The following RGL1 variants were observed in gnomAD, a reference collection of about 807,000 sequenced individuals.
RGL1 encodes ral guanine nucleotide dissociation stimulator-like 1.
In RGL1, 24 loss-of-function variants were observed where a neutral mutation model predicts 95.2. That is an observed-to-expected ratio of 0.25 (90% CI 0.18 to 0.35). The LOEUF (loss-of-function observed/expected upper bound fraction) is 0.35, where lower values mean the gene tolerates loss of function less well. RGL1 is among the 10% of genes least tolerant of loss of function. The pLI, the probability that RGL1 is intolerant of heterozygous loss-of-function variation, is 1.00. For synonymous variants in RGL1, 329 were observed against 344.9 expected (o/e 0.95, Z 0.51); for missense variants, 715 against 936.3 (o/e 0.76, Z 3.08).
At chr1:183,707,098 G>C (rs930438614) in intron 1 of RGL1, among the ~76,000 whole-genome samples, 38 of 152,164 alleles carry the variant, frequency 2.5e-4, no homozygotes, top group African/African-American at 9.2e-4. Flanking sequence ...ACAATCATGT[G>C]GTCTTGATGG....
At chr1:183,858,052 G>A (rs992185416) in intron 3 of RGL1, among the ~76,000 whole-genome samples, 28 of 152,094 alleles carry the variant, frequency 1.8e-4, no homozygotes, top group African/African-American at 6.8e-4. Context: ...AGGGAGGCAA[G>A]GACATGCAAT....
chr1:183,924,748 C>T (rs1669513623), intron 17 of RGL1, among the ~76,000 whole-genome samples: 1 of 150,384 alleles, frequency 6.6e-6, no homozygotes, highest in Non-Finnish European at 1.5e-5. Flanking sequence ...AGTTCAAGAC[C>T]AGCCTGGCCA....
chr1:183,704,887 G>T (rs1186137697), intron 1 of RGL1, among the ~76,000 whole-genome samples: 3 of 152,326 alleles, frequency 2.0e-5, no homozygotes, highest in Non-Finnish European at 4.4e-5. Flanking sequence ...TTGGAGGCAG[G>T]CAGGCCATCC....
intron 2 of RGL1, among the ~76,000 whole-genome samples, chr1:183,820,023 G>A (rs1265094067): frequency 6.6e-6 from 1 of 152,074 alleles, no homozygotes; most frequent in African/African-American, 2.4e-5. Context: ...CTAGCCTCAA[G>A]CGATCCTCCC....
intron 16 of RGL1, among the ~76,000 whole-genome samples, chr1:183,917,323 A>C (rs1669036964): frequency 6.6e-6 from 1 of 152,218 alleles, no homozygotes; most frequent in Admixed American, 6.5e-5. Flanking sequence ...TAATAATGGC[A>C]GTCTTTTGGG....
chr1:183,806,244 T>C (rs2102414982), intron 1 of RGL1, 131 bp from the exon 2 acceptor site: 1 of 633,138 alleles, frequency 1.6e-6, no homozygotes, highest in South Asian at 2.0e-5. Context: ...TTGCGGATTG[T>C]AATATTTATT....
intron 2 of RGL1, among the ~76,000 whole-genome samples, chr1:183,744,342 C>A (rs1416829378): frequency 6.6e-6 from 1 of 151,228 alleles, no homozygotes; most frequent in Non-Finnish European, 1.5e-5. Context: ...GAAATAAACT[C>A]CACAGGTGGT....
At chr1:183,907,777 G>T (rs1340304822) in intron 14 of RGL1, among the ~76,000 whole-genome samples, 1 of 152,110 alleles carries the variant, frequency 6.6e-6, no homozygotes, top group Non-Finnish European at 1.5e-5. Context: ...ATTGCCTGAG[G>T]CCAGGAGTTT....
At chr1:183,872,798 A>G (rs1666257678) in intron 4 of RGL1, among the ~76,000 whole-genome samples, 1 of 152,232 alleles carries the variant, frequency 6.6e-6, no homozygotes, top group African/African-American at 2.4e-5. Flanking sequence ...ATGCCCTAAG[A>G]AGGCAATTGA....
intron 2 of RGL1, among the ~76,000 whole-genome samples, chr1:183,791,567 A>G (rs1426316669): frequency 6.6e-6 from 1 of 152,242 alleles, no homozygotes; most frequent in Non-Finnish European, 1.5e-5. Context: ...TGACCACACT[A>G]AGACTTCCAA....
At chr1:183,914,739 G>A (rs1311104222) in intron 15 of RGL1, among the ~76,000 whole-genome samples, 1 of 152,172 alleles carries the variant, frequency 6.6e-6, no homozygotes, top group African/African-American at 2.4e-5. Context: ...TCATCAGGCA[G>A]TCTGTTTAGA....
At chr1:183,781,655 G>A (rs1659910204) in intron 2 of RGL1, among the ~76,000 whole-genome samples, 1 of 152,154 alleles carries the variant, frequency 6.6e-6, no homozygotes, top group Non-Finnish European at 1.5e-5. Flanking sequence ...CTACATATAT[G>A]TGTGTGTTTT....
At position 183,882,554 on chromosome 1, in the gene RGL1, A is replaced by G. The variant is rs143205395; in HGVS notation, c.611-1232A>G. On this transcript the variant is annotated intron_variant, in intron 5 of 17. Transcript: ENST00000360851. ...ATGTCATGGGGTTTTAGCTTCCTTT[A>G]GCTTGTACCTGTTTGTGTCGCAGAC... is the stretch of plus-strand genomic sequence containing the variant. 4.0e-3 allele frequency among the ~76,000 whole-genome samples: 613 copies of G among 152,294 alleles called. 4 individuals are homozygous for G. Among genetic ancestry groups the G allele is most frequent in the African/African-American group, 0.014 (594 of 41,556 alleles).
chr1:183,719,973 G>A (rs1360279931), intron 1 of RGL1, among the ~76,000 whole-genome samples: 3 of 152,096 alleles, frequency 2.0e-5, no homozygotes, highest in African/African-American at 7.2e-5. Flanking sequence ...GTCTGGTGAG[G>A]TGAAGAGAAA....
At chr1:183,677,005 A>T (rs1439274110) in intron 1 of RGL1, among the ~76,000 whole-genome samples, 1 of 151,762 alleles carries the variant, frequency 6.6e-6, no homozygotes, top group Non-Finnish European at 1.5e-5. Flanking sequence ...TTATTGATTC[A>T]TTGAACATTT....
intron 2 of RGL1, among the ~76,000 whole-genome samples, chr1:183,844,908 T>C (rs1396116085): frequency 6.6e-6 from 1 of 152,226 alleles, no homozygotes; most frequent in Non-Finnish European, 1.5e-5. Context: ...GGAGTCTTAA[T>C]TTTAATTCCT....
Position 183,726,416 on chromosome 1 carries a change from A to C in RGL1, c.-32-15710A>C, listed in dbSNP as rs1656315166. Among the ~76,000 whole-genome samples the C allele has an allele frequency of 2.0e-5, 3 of 152,186 alleles. No individual in the cohort carries two copies. The South Asian group carries it at 6.2e-4, about 32-fold the overall frequency. On this transcript the variant is annotated intron_variant, in intron 1 of 18. Coordinates refer to the RGL1 transcript ENST00000304685. ...AAAAACAAAAAGGATGACAAATATTACCAATATAGATAATGAAAAAGGGGA... is the reference window on the plus strand; with the variant it reads ...AAAAACAAAAAGGATGACAAATATTCCCAATATAGATAATGAAAAAGGGGA...
rs563654554 is a variant in RGL1, at chr1:183,728,310, CA to C, written c.-32-13815del. On this transcript the variant is annotated intron_variant, in intron 1 of 18. Transcript: ENST00000304685. ...TTCACCATCAGCTCTCCTGTGTTTC[CA>C]GCTTGCAGATGGCAGATGGTCTGAC... Among the ~76,000 whole-genome samples the C allele has an allele frequency of 5.1e-3, 769 of 152,200 alleles. 8 individuals are homozygous for C. Among genetic ancestry groups the C allele is most frequent in the African/African-American group, 0.018 (745 of 41,528 alleles).
rs547021522 is a variant in RGL1, at chr1:183,831,068, G to A, written c.139-16498G>A. 3.3e-5 allele frequency among the ~76,000 whole-genome samples: 5 copies of A among 152,260 alleles called. No homozygotes were observed. The East Asian group carries it at 9.6e-4, about 29-fold the overall frequency. On this transcript the variant is annotated intron_variant, in intron 2 of 17. Transcript: ENST00000360851. ...CAGTTAAGGGCTCTGAACCCATGGA[G>A]TTTACAGGCAACAAACAAGTAAAGA...
Sources: gnomAD v4.1 joint callset for allele counts (sites outside exome capture counted in the v4.1 genomes callset) on GRCh38, gnomAD v4.1.1 for gene constraint, MANE v1.5 for transcripts, NCBI Gene and HGNC (gene_info 2026-07-23, HGNC 2026-07-21) for gene names.